ADGRB3: variants seen among roughly 807,000 people sequenced by gnomAD.
The protein encoded by ADGRB3 is adhesion G protein-coupled receptor B3, also known as brain-specific angiogenesis inhibitor 3.
ADGRB3 carries 37 observed loss-of-function variants against 193.4 expected under a neutral mutation model. That is an observed-to-expected ratio of 0.19 (90% CI 0.15 to 0.25). The LOEUF is 0.25. Among genes scored for constraint, ADGRB3 ranks in the 10% least tolerant of loss-of-function variants. The pLI is 1.00. For missense variants in ADGRB3, 1,637 were observed against 1,852.9 expected, an observed-to-expected ratio of 0.88 and a Z score of 2.14; for synonymous variants, 690 against 644.2, an observed-to-expected ratio of 1.07 and a Z score of -1.08.
intron 3 of ADGRB3, among the ~76,000 whole-genome samples, chr6:68,857,722 G>A (rs1160342572): frequency 6.6e-6 from 1 of 152,180 alleles, no homozygotes; most frequent in East Asian, 1.9e-4. Flanking sequence ...GACTTTGGGG[G>A]ACTGTTGGGA....
chr6:68,661,956 T>G (rs1768673026), intron 3 of ADGRB3, among the ~76,000 whole-genome samples: 1 of 151,414 alleles, frequency 6.6e-6, no homozygotes, highest in Non-Finnish European at 1.5e-5. Flanking sequence ...TTGAGACATT[T>G]AAAGTGACAA....
intron 17 of ADGRB3, among the ~76,000 whole-genome samples, chr6:69,184,193 C>G (rs911480175): frequency 6.6e-6 from 1 of 152,080 alleles, no homozygotes; most frequent in Non-Finnish European, 1.5e-5. Context: ...AAATCACTGA[C>G]TCTTTATAGG....
At chr6:68,818,028 T>C (rs941977914) in intron 3 of ADGRB3, among the ~76,000 whole-genome samples, 2 of 152,054 alleles carry the variant, frequency 1.3e-5, no homozygotes, top group Non-Finnish European at 2.9e-5. Flanking sequence ...TTACTTTGTT[T>C]TTTGTGTTTT....
chr6:69,060,220 T>TCTCTCTCTCTCTCTCTCTC (rs1771697794), intron 15 of ADGRB3, among the ~76,000 whole-genome samples: 2 of 129,550 alleles, frequency 1.5e-5, no homozygotes, highest in African/African-American at 3.1e-5. Context: ...CTCTCTCTCT[T>TCTCTCTCTCTCTCTCTCTC]TCTCTCTCTC....
intron 4 of ADGRB3, 144 bp downstream of exon 4, chr6:68,930,813 A>G (rs1417192131): frequency 3.2e-6 from 2 of 617,744 alleles, no homozygotes; most frequent in East Asian, 2.8e-5. Flanking sequence ...GTTAAAGTCC[A>G]TAAATAAAGT....
intron 20 of ADGRB3, among the ~76,000 whole-genome samples, chr6:69,241,127 G>A (rs1766375530): frequency 6.6e-6 from 1 of 151,804 alleles, no homozygotes; most frequent in Non-Finnish European, 1.5e-5. Context: ...TGAGCCAAAT[G>A]GTACTACAGA....
chr6:68,710,274 A>AT (rs1447048115), intron 3 of ADGRB3, among the ~76,000 whole-genome samples: 1 of 152,126 alleles, frequency 6.6e-6, no homozygotes, highest in Non-Finnish European at 1.5e-5. Context: ...TCTGAATGTT[A>AT]TTACTTACTT....
At chr6:69,321,673 A>G (rs1768459971) in intron 20 of ADGRB3, among the ~76,000 whole-genome samples, 1 of 151,806 alleles carries the variant, frequency 6.6e-6, no homozygotes, top group Admixed American at 6.6e-5. Context: ...AAGAGATCAA[A>G]CAATCCTGAG....
intron 16 of ADGRB3, among the ~76,000 whole-genome samples, chr6:69,070,882 C>T (rs1304615485): frequency 6.6e-6 from 1 of 152,190 alleles, no homozygotes; most frequent in Non-Finnish European, 1.5e-5. Context: ...TGTATTGTGA[C>T]ATTATTGTTA....
intron 17 of ADGRB3, among the ~76,000 whole-genome samples, chr6:69,081,854 C>CAAT (rs1772395496): frequency 6.6e-6 from 1 of 152,030 alleles, no homozygotes; most frequent in South Asian, 2.1e-4. Flanking sequence ...CCCATTATGT[C>CAAT]CATTAGCGTG....
intron 3 of ADGRB3, among the ~76,000 whole-genome samples, chr6:68,915,006 T>A (rs942876279): frequency 5.3e-5 from 8 of 152,214 alleles, no homozygotes; most frequent in African/African-American, 1.4e-4. Flanking sequence ...TTAATCATAT[T>A]TGAGCCTTGC....
At chr6:68,919,184 G>C (rs576914705) in intron 3 of ADGRB3, among the ~76,000 whole-genome samples, 1 of 152,068 alleles carries the variant, frequency 6.6e-6, no homozygotes, top group African/African-American at 2.4e-5. Context: ...TCAAGCCGGC[G>C]TCCTATCTTT....
Position 69,211,965 on chromosome 6 carries a change from G to T in ADGRB3, c.2481-21325G>T, listed in dbSNP as rs201051859. Among the ~76,000 whole-genome samples, 11 of 152,284 alleles carry T rather than the reference G, an allele frequency of 7.2e-5. No homozygotes were observed. In the East Asian group the frequency reaches 2.1e-3, roughly 29 times the overall value. ...TAGATATTACATAATTCAGAGAAAT[G>T]TACAGAGAGATAAGCTCAAGTTTAT... On this transcript the variant is annotated intron_variant, in intron 17 of 31. Coordinates refer to ENST00000370598, the MANE Select transcript of ADGRB3 (RefSeq NM_001704.3).
At chr6:69,002,238 T>G (rs1319447321) in intron 11 of ADGRB3, among the ~76,000 whole-genome samples, 1 of 150,318 alleles carries the variant, frequency 6.7e-6, no homozygotes, top group South Asian at 2.1e-4. Flanking sequence ...TTTTTTTTTT[T>G]TGATGGAGTT....
At chr6:69,188,871 T>C (rs1007241860) in intron 17 of ADGRB3, among the ~76,000 whole-genome samples, 6 of 152,172 alleles carry the variant, frequency 3.9e-5, no homozygotes, top group Non-Finnish European at 8.8e-5. Flanking sequence ...TCTCTTTGGA[T>C]GGCACAAATA....
intron 10 of ADGRB3, among the ~76,000 whole-genome samples, chr6:68,989,379 A>G (rs1582375338): frequency 6.6e-6 from 1 of 152,302 alleles, no homozygotes; most frequent in African/African-American, 2.4e-5. Context: ...AATGAATAGA[A>G]TAAATAGCCA....
chr6:68,830,857 T>G (rs1022530629), intron 3 of ADGRB3, among the ~76,000 whole-genome samples: 2 of 151,698 alleles, frequency 1.3e-5, no homozygotes, highest in African/African-American at 4.8e-5. Flanking sequence ...AAAATCATGG[T>G]CTGCCACCTA....
At chr6:68,844,365 A>G (rs1451688608) in intron 3 of ADGRB3, among the ~76,000 whole-genome samples, 1 of 152,190 alleles carries the variant, frequency 6.6e-6, no homozygotes, top group Non-Finnish European at 1.5e-5. Context: ...TGGGTAAAAG[A>G]TATGAATAAA....
intron 31 of ADGRB3, among the ~76,000 whole-genome samples, chr6:69,387,398 A>G (rs1562006410): frequency 1.3e-5 from 2 of 152,158 alleles, no homozygotes; most frequent in Non-Finnish European, 2.9e-5. Flanking sequence ...TGACTAAAGC[A>G]TAATTAATTA....
Sources: gnomAD v4.1 joint callset for allele counts (sites outside exome capture counted in the v4.1 genomes callset) on GRCh38, gnomAD v4.1.1 for gene constraint, MANE v1.5 for transcripts, NCBI Gene and HGNC (gene_info 2026-07-23, HGNC 2026-07-21) for gene names.